PCDHA2: variants seen among roughly 807,000 people sequenced by gnomAD.
The protein encoded by PCDHA2 is protocadherin alpha-2.
A neutral mutation model predicts 66.0 loss-of-function variants in PCDHA2; 58 were observed. That is an observed-to-expected ratio of 0.88 (90% CI 0.71 to 1.09). PCDHA2 has a LOEUF of 1.09. Ranked by LOEUF, PCDHA2 falls within the 50% of genes least tolerant of loss-of-function variation. The pLI, the probability that PCDHA2 is intolerant of heterozygous loss-of-function variation, is 0.00. For missense variants in PCDHA2, 1,267 were observed against 1,242.3 expected (o/e 1.02, Z -0.30); for synonymous variants, 634 against 554.0 (o/e 1.14, Z -2.03).
Position 140,848,772 on chromosome 5 carries a change from G to C in PCDHA2, c.2388+51420G>C, listed in dbSNP as rs2150420106. 4 of 1,593,480 alleles carry C rather than the reference G, an allele frequency of 2.5e-6. No individual in the cohort carries two copies. In the African/African-American group the frequency reaches 5.4e-5, roughly 21 times the overall value. ...GTTTGTGAATTCTCGGATCGACCGC[G>C]AGGAGCTGTGCGGGCGGAGCGCGGA... On this transcript the variant is annotated intron_variant, in intron 1 of 3. Coordinates refer to ENST00000526136, the MANE Select transcript of PCDHA2 (RefSeq NM_018905.3).
intron 1 of PCDHA2, chr5:140,926,673 A>T (rs998903830): frequency 2.1e-5 from 12 of 580,470 alleles, no homozygotes; most frequent in Non-Finnish European, 3.2e-5. Flanking sequence ...ACGGCTGCCC[A>T]GCCTCCAGCC....
intron 1 of PCDHA2, among the ~76,000 whole-genome samples, chr5:140,914,671 A>G (rs1012780806): frequency 2.6e-5 from 4 of 151,552 alleles, no homozygotes; most frequent in Non-Finnish European, 4.4e-5. Context: ...CTTCTTTTTC[A>G]TGAAAATAAT....
chr5:140,934,858 CTT>C (rs1462067711), intron 1 of PCDHA2, among the ~76,000 whole-genome samples: 1 of 152,136 alleles, frequency 6.6e-6, no homozygotes, highest in African/African-American at 2.4e-5. Flanking sequence ...GCTCCTGAGT[CTT>C]TGTGAGTGTG....
At chr5:140,898,383 G>A (rs1416953064) in intron 1 of PCDHA2, among the ~76,000 whole-genome samples, 1 of 152,164 alleles carries the variant, frequency 6.6e-6, no homozygotes, top group South Asian at 2.1e-4. Flanking sequence ...GTAAGGAAGG[G>A]ATCCAGTTTC....
At chr5:140,882,414 C>T in intron 1 of PCDHA2, 2 of 1,614,148 alleles carry the variant, frequency 1.2e-6, no homozygotes, top group Non-Finnish European at 8.5e-7. Flanking sequence ...GGCCGCATCG[C>T]TCAGGACCTG....
intron 1 of PCDHA2, chr5:140,856,891 C>A: frequency 6.3e-7 from 1 of 1,596,046 alleles, no homozygotes; most frequent in Non-Finnish European, 8.6e-7. Flanking sequence ...ATTCATTTAG[C>A]TCTTTGGTCC....
intron 1 of PCDHA2, among the ~76,000 whole-genome samples, chr5:140,833,243 A>G (rs1356488600): frequency 6.6e-6 from 1 of 152,204 alleles, no homozygotes; most frequent in Non-Finnish European, 1.5e-5. Context: ...AGCTACTGCA[A>G]TACACCAGGA....
At chr5:140,833,313 C>T (rs1412799485) in intron 1 of PCDHA2, among the ~76,000 whole-genome samples, 1 of 152,176 alleles carries the variant, frequency 6.6e-6, no homozygotes, top group Non-Finnish European at 1.5e-5. Context: ...AATTATTTTA[C>T]ATGCCATTGG....
intron 1 of PCDHA2, among the ~76,000 whole-genome samples, chr5:140,937,364 T>C (rs1471697724): frequency 6.6e-6 from 1 of 152,150 alleles, no homozygotes; most frequent in African/African-American, 2.4e-5. Flanking sequence ...TATTTTATCT[T>C]AATGTTTATG....
At chr5:140,841,683 T>C in intron 1 of PCDHA2, 1 of 1,613,816 alleles carries the variant, frequency 6.2e-7, no homozygotes, top group South Asian at 1.1e-5. Flanking sequence ...CATGTGGACG[T>C]GGAGGTGAAG....
At chr5:140,826,023 T>C (rs1768791040) in intron 1 of PCDHA2, among the ~76,000 whole-genome samples, 1 of 152,228 alleles carries the variant, frequency 6.6e-6, no homozygotes, top group South Asian at 2.1e-4. Flanking sequence ...TGATAAAATG[T>C]GAATTCCCTA....
chr5:140,877,697 C>T (rs2057290837), intron 1 of PCDHA2: 15 of 1,613,794 alleles, frequency 9.3e-6, no homozygotes, highest in Non-Finnish European at 1.3e-5. Flanking sequence ...CTGGTGTGCT[C>T]CAGCGCCGTG....
intron 1 of PCDHA2, chr5:140,800,934 G>A: frequency 2.3e-6 from 2 of 867,394 alleles, no homozygotes; most frequent in East Asian, 3.6e-5. Flanking sequence ...AGAAATTTTG[G>A]GAAAGTTCAA....
chr5:140,862,949 C>G lies in PCDHA2; in HGVS notation c.2388+65597C>G, dbSNP rs541015740. The G allele has an allele frequency of 9.9e-5, 54 of 542,878 alleles. 1 individual carries two copies. The highest frequency in any genetic ancestry group is 8.3e-4 in the African/African-American group (44 of 52,750). 33.6% of individuals were successfully genotyped at this position (542,878 alleles called of 1,614,324 possible). A position where few individuals can be genotyped will look rare whatever the true frequency, so the allele number is the denominator to read the frequency against. ...TGGCGGCGCTGTGAGTGAGCTGGTG[C>G]GGTATTCAGTGGATGCAGGCCACTT... On this transcript the variant is annotated intron_variant, in intron 1 of 3. Coordinates refer to ENST00000526136, the MANE Select transcript of PCDHA2 (RefSeq NM_018905.3).
At chr5:140,843,758 A>T (rs2150366226) in intron 1 of PCDHA2, 1 of 1,503,376 alleles carries the variant, frequency 6.7e-7, no homozygotes, top group East Asian at 2.3e-5. Flanking sequence ...CTATTTGTGG[A>T]AATTGTAGTT....
intron 1 of PCDHA2, chr5:140,866,250 C>G (rs2049240306): frequency 6.6e-6 from 1 of 152,128 alleles, no homozygotes; most frequent in South Asian, 2.1e-4. Flanking sequence ...AAATGACACC[C>G]TTCTTTCTTT....
intron 1 of PCDHA2, chr5:140,927,490 C>G: frequency 1.2e-6 from 2 of 1,614,132 alleles, no homozygotes; most frequent in Non-Finnish European, 8.5e-7. Flanking sequence ...CGCCACCCAC[C>G]TGCTGGTGCT....
At chr5:140,830,282 G>T (rs2150184227) in intron 1 of PCDHA2, 4 of 1,613,822 alleles carry the variant, frequency 2.5e-6, no homozygotes, top group Admixed American at 1.7e-5. Flanking sequence ...CACCGAGGGC[G>T]CGTGCACGGC....
intron 1 of PCDHA2, among the ~76,000 whole-genome samples, chr5:140,961,059 G>A (rs2095587077): frequency 6.6e-6 from 1 of 152,076 alleles, no homozygotes; most frequent in African/African-American, 2.4e-5. Flanking sequence ...AATGTTGAAT[G>A]GGATATCTGG....
Sources: allele counts gnomAD v4.1 joint callset (sites outside exome capture counted in the v4.1 genomes callset), GRCh38; gene constraint gnomAD v4.1.1; transcripts MANE v1.5; gene names NCBI Gene and HGNC (gene_info 2026-07-23, HGNC 2026-07-21).